The following STN1 variants were observed in gnomAD, a reference collection of about 807,000 sequenced individuals.
The protein encoded by STN1 is STN1 subunit of CST complex, also known as CST complex subunit STN1.
Under a neutral mutation model 45.5 loss-of-function variants are expected in STN1, and 29 were observed. That is an observed-to-expected ratio of 0.64 (90% CI 0.47 to 0.87). The LOEUF (loss-of-function observed/expected upper bound fraction) is 0.87. Among genes scored for constraint, STN1 ranks in the 40% least tolerant of loss-of-function variants. The probability of loss-of-function intolerance (pLI) is 0.00; values close to 1 mark genes in which losing one functional copy is unlikely to be tolerated. For missense variants in STN1, 376 were observed against 441.4 expected (o/e 0.85, Z 1.33); for synonymous variants, 148 against 159.0 (o/e 0.93, Z 0.52).
At chr10:103,914,392 T>TG (rs1564636193) in intron 2 of STN1, among the ~76,000 whole-genome samples, 11 of 139,336 alleles carry the variant, frequency 7.9e-5, no homozygotes, top group African/African-American at 3.0e-4. Context: ...TTTTTTTTTT[T>TG]GAGACAGGGT....
At chr10:103,889,049 C>T in intron 9 of STN1, 23 bp downstream of exon 9, 3 of 1,554,990 alleles carry the variant, frequency 1.9e-6, no homozygotes, top group Non-Finnish European at 2.7e-6. Context: ...ACCAGGGCAT[C>T]ACTTGTACAT....
At chr10:103,902,207 C>T (rs950080458) in intron 4 of STN1, among the ~76,000 whole-genome samples, 4 of 152,162 alleles carry the variant, frequency 2.6e-5, no homozygotes, top group South Asian at 2.1e-4. Context: ...GGAACCTGGA[C>T]GCAATCAGCA....
rs756692794 is a variant in STN1 at position 103,882,780 on chromosome 10, C to T, written c.1011G>A (p.Pro337=). ...GCTGCAGCACAGCCTCGCTCAGGCC[C>T]GGGCGGATGCTCAGGCGAGCACAGG... ...ILACARLSIR[P]GLSEAVLQQV... The change falls in exon 10 of 10, where the codon CCG becomes CCA. Residue 337 remains proline, a synonymous_variant. Transcript: ENST00000224950. 38 of 1,613,986 alleles carry T rather than the reference C, an allele frequency of 2.4e-5. No individual in the cohort carries two copies. Among genetic ancestry groups the T allele is most frequent in the Admixed American group, 8.3e-5 (5 of 59,994 alleles).
At chr10:103,890,933 G>A (rs926648688) in intron 8 of STN1, among the ~76,000 whole-genome samples, 1 of 152,128 alleles carries the variant, frequency 6.6e-6, no homozygotes, top group African/African-American at 2.4e-5. Flanking sequence ...GTCCTGAGAA[G>A]GCCCATTTCC....
At chr10:103,902,420 G>A (rs1843215545) in intron 4 of STN1, among the ~76,000 whole-genome samples, 1 of 152,112 alleles carries the variant, frequency 6.6e-6, no homozygotes, top group African/African-American at 2.4e-5. Context: ...ACTGATGGTT[G>A]GTCTGAGAAA....
chr10:103,910,350 G>A (rs956209655), intron 3 of STN1, among the ~76,000 whole-genome samples, 177 bp downstream of exon 3: 3 of 151,986 alleles, frequency 2.0e-5, no homozygotes, highest in Non-Finnish European at 4.4e-5. Flanking sequence ...CCTACCCGTT[G>A]CCTCATTTTA....
chr10:103,900,280 C>T (rs1201206449), intron 4 of STN1, 57 bp from the exon 5 acceptor site: 1 of 1,558,744 alleles, frequency 6.4e-7, no homozygotes, highest in Non-Finnish European at 8.8e-7. Context: ...ATCACTCTAC[C>T]ACATCTGTGA....
rs1042386072 is a variant in STN1, at chr10:103,880,478, T to G, written c.*2206A>C. ...GAACGTGGGGTTTCATTTGGGACCC[T>G]CCCCTCTCTGCCTAGGCATTTGGCT... On this transcript the variant is annotated 3_prime_UTR_variant, in exon 10 of 10. Transcript: ENST00000224950. Among the ~76,000 whole-genome samples the G allele has an allele frequency of 6.6e-6, 1 of 152,192 alleles. No individual in the cohort carries two copies.
chr10:103,883,437 A>T (rs148092255), intron 9 of STN1, among the ~76,000 whole-genome samples: 1 of 152,266 alleles, frequency 6.6e-6, no homozygotes, highest in East Asian at 1.9e-4. Context: ...ACAACAATAC[A>T]AATTCAGAGT....
chr10:103,904,949 T>G, intron 4 of STN1, 142 bp downstream of exon 4: 1 of 745,520 alleles, frequency 1.3e-6, no homozygotes, highest in Non-Finnish European at 2.3e-6. Flanking sequence ...GCCAAAGCTC[T>G]GGGTATAGTG....
At chr10:103,910,365 T>C (rs78436817) in intron 3 of STN1, among the ~76,000 whole-genome samples, 162 bp downstream of exon 3, 4,272 of 151,526 alleles carry the variant, frequency 0.028, 191 homozygotes, top group African/African-American at 0.096. Flanking sequence ...ATTTTATTCT[T>C]AGCCCGTGTC....
At chr10:103,910,327 C>A (rs1018271267) in intron 3 of STN1, among the ~76,000 whole-genome samples, 200 bp downstream of exon 3, 2 of 152,172 alleles carry the variant, frequency 1.3e-5, no homozygotes, top group African/African-American at 4.8e-5. Context: ...TCACTGAATT[C>A]ATCAGTATCA....
intron 9 of STN1, among the ~76,000 whole-genome samples, chr10:103,884,987 A>C (rs1261008961): frequency 6.6e-6 from 1 of 152,136 alleles, no homozygotes; most frequent in East Asian, 1.9e-4. Flanking sequence ...ATTGCTGAGC[A>C]AGGAGGAGCA....
At position 103,897,708 on chromosome 10, in the gene STN1, G is replaced by A. The variant is rs768856878; in HGVS notation, c.593C>T (p.Ala198Val). Residue 198 changes from alanine to valine, a missense_variant, in exon 7 of 10, where the codon GCC becomes GTC. Ala to Val is a moderately conservative substitution (Grantham distance 64). Transcript: ENST00000224950. The stretch of plus-strand genomic sequence containing the variant: ...ACTCGTGAGACTGGGGAGGTCCAGG[G>A]CGCCTGGATTGCTGCGGAGGGAAAG... ...EKEEALSNPG[A>V]LDLPSLTSLL... is the part of the protein sequence containing the mutation. The A allele has an allele frequency of 3.1e-6, 5 of 1,614,156 alleles. No individual in the cohort carries two copies. Among genetic ancestry groups the A allele is most frequent in the African/African-American group, 1.3e-5 (1 of 75,042 alleles).
intron 2 of STN1, among the ~76,000 whole-genome samples, chr10:103,913,277 T>A (rs1488619566): frequency 6.6e-6 from 1 of 152,194 alleles, no homozygotes; most frequent in Non-Finnish European, 1.5e-5. Flanking sequence ...GTGGCAACAC[T>A]TAATAAAAAT....
At chr10:103,903,650 C>T (rs532714972) in intron 4 of STN1, among the ~76,000 whole-genome samples, 39 of 152,262 alleles carry the variant, frequency 2.6e-4, no homozygotes, top group African/African-American at 8.4e-4. Flanking sequence ...AGGGGAAACC[C>T]GGACCTCACC....
In STN1 at chr10:103,917,498, C is replaced by A. The variant is rs1843341712; in HGVS notation, c.97G>T (p.Asp33Tyr). Residue 33 changes from aspartate (D) to tyrosine (Y), a missense_variant, in exon 2 of 10, where the codon GAT (aspartate) becomes TAT (tyrosine). Transcript: ENST00000224950. The stretch of plus-strand genomic sequence containing the variant: ...CGGGACTCCTTCATGTCCAGGATAT[C>A]CCTGATGTAGAGTTTTGCAAAGGCT... ...FLAFAKLYIR[D>Y]ILDMKESRQV... 6.2e-7 allele frequency: 1 copy of A among 1,613,904 alleles called. No individual in the cohort carries two copies.
intron 9 of STN1, among the ~76,000 whole-genome samples, chr10:103,886,855 T>C (rs1384549985): frequency 6.6e-6 from 1 of 152,208 alleles, no homozygotes; most frequent in African/African-American, 2.4e-5. Flanking sequence ...ATTACACAGC[T>C]AGCAAGTGGC....
At chr10:103,905,288 C>T in intron 3 of STN1, 132 bp from the exon 4 acceptor site, 1 of 782,932 alleles carries the variant, frequency 1.3e-6, no homozygotes, top group East Asian at 2.5e-5. Flanking sequence ...CCTTATCAAA[C>T]TCTCCTTCCA....
Sources: allele counts gnomAD v4.1 joint callset (sites outside exome capture counted in the v4.1 genomes callset), GRCh38; gene constraint gnomAD v4.1.1; transcripts MANE v1.5; gene names NCBI Gene and HGNC (gene_info 2026-07-23, HGNC 2026-07-21).